The following CACNA2D1 variants were observed in gnomAD, a reference collection of about 807,000 sequenced individuals.
CACNA2D1 encodes the protein calcium voltage-gated channel auxiliary subunit alpha2delta 1, also known as voltage-dependent calcium channel subunit alpha-2/delta-1.
Under a neutral mutation model 171.5 loss-of-function variants are expected in CACNA2D1, and 53 were observed. That is an observed-to-expected ratio of 0.31 (90% CI 0.25 to 0.39). The LOEUF is 0.39. CACNA2D1 is among the 10% of genes least tolerant of loss of function. The pLI, the probability that CACNA2D1 is intolerant of heterozygous loss-of-function variation, is 1.00. For synonymous variants in CACNA2D1, 442 were observed against 443.1 expected (o/e 1.00, Z 0.03); for missense variants, 903 against 1,299.8 (o/e 0.69, Z 4.69).
At chr7:82,443,849 G>T, upstream of CACNA2D1, 2 of 371,306 alleles carry the variant, frequency 5.4e-6, no homozygotes, top group Non-Finnish European at 8.6e-6. Flanking sequence ...GGCGGGGGCG[G>T]AGGAGGGGTG....
At chr7:82,141,155 C>T (rs1277156190) in intron 4 of CACNA2D1, among the ~76,000 whole-genome samples, 1 of 151,698 alleles carries the variant, frequency 6.6e-6, no homozygotes, top group Non-Finnish European at 1.5e-5. Flanking sequence ...AAGATATGTC[C>T]AGCTATGTTA....
intron 7 of CACNA2D1, among the ~76,000 whole-genome samples, chr7:82,073,031 T>C (rs192832445): frequency 6.6e-6 from 1 of 152,278 alleles, no homozygotes; most frequent in Admixed American, 6.5e-5. Context: ...GGCTTGAACA[T>C]GATACTATTT....
At chr7:82,241,779 A>C (rs1362878513) in intron 3 of CACNA2D1, among the ~76,000 whole-genome samples, 1 of 152,146 alleles carries the variant, frequency 6.6e-6, no homozygotes, top group Non-Finnish European at 1.5e-5. Flanking sequence ...TGTTTAGTGC[A>C]AATACGACTG....
rs530251649 is a variant in CACNA2D1, at chr7:82,301,692, A to G, written c.294+33443T>C. The stretch of plus-strand genomic sequence containing the variant: ...ATAAATTTTCTTACATAAATAAGGG[A>G]TGTTTGCATTAAATTGTGTATTAAT... On this transcript the variant is annotated intron_variant, in intron 3 of 38. Transcript: ENST00000356860. Among the ~76,000 whole-genome samples, 3 of 150,538 alleles carry G rather than the reference A, an allele frequency of 2.0e-5. No individual in the cohort carries two copies. The South Asian group carries it at 6.4e-4, about 32-fold the overall frequency.
intron 12 of CACNA2D1, among the ~76,000 whole-genome samples, chr7:82,016,377 A>G (rs1390538056): frequency 2.0e-5 from 3 of 152,150 alleles, no homozygotes; most frequent in African/African-American, 4.8e-5. Flanking sequence ...CAAATTTTCA[A>G]CGGAAGCATG....
chr7:82,077,389 A>G (rs1366807051), intron 7 of CACNA2D1, among the ~76,000 whole-genome samples: 1 of 152,204 alleles, frequency 6.6e-6, no homozygotes, highest in Non-Finnish European at 1.5e-5. Flanking sequence ...GGGGCAAAGA[A>G]GAATACCATT....
chr7:82,423,275 A>G (rs1828886618), intron 1 of CACNA2D1, among the ~76,000 whole-genome samples: 1 of 152,078 alleles, frequency 6.6e-6, no homozygotes, highest in South Asian at 2.1e-4. Context: ...GGCATGCATT[A>G]ATGTTTTTAT....
At chr7:82,264,453 T>C (rs1204779803) in intron 3 of CACNA2D1, among the ~76,000 whole-genome samples, 1 of 152,220 alleles carries the variant, frequency 6.6e-6, no homozygotes, top group Admixed American at 6.5e-5. Context: ...AGCTTAAACT[T>C]CATATGCTTA....
intron 1 of CACNA2D1, among the ~76,000 whole-genome samples, chr7:82,353,860 G>C (rs1419557830): frequency 6.6e-6 from 1 of 152,010 alleles, no homozygotes; most frequent in African/African-American, 2.4e-5. Context: ...CAAAGATTCA[G>C]GAGAGAACAT....
intron 1 of CACNA2D1, 77 bp from the exon 2 acceptor site, chr7:82,349,726 G>T (rs920930384): frequency 9.1e-7 from 1 of 1,102,964 alleles, no homozygotes; most frequent in Non-Finnish European, 1.4e-6. Flanking sequence ...TTATATCCAC[G>T]CTACAGATAA....
Position 82,443,345 on chromosome 7 carries a change from T to C in CACNA2D1, c.95+20A>G, listed in dbSNP as rs762366851. 6.3e-7 allele frequency: 1 copy of C among 1,580,336 alleles called. No homozygotes were observed. The highest frequency in any genetic ancestry group is 1.7e-5 in the Admixed American group (1 of 57,670). The stretch of plus-strand genomic sequence containing the variant: ...GCGGCGCCCCTCGGCCGGCGCTCCC[T>C]GCCCGGCCCGCCGACTTACGTGACG... On this transcript the variant is annotated intron_variant, in intron 1 of 38. Transcript: ENST00000356860.
chr7:82,152,268 A>AC (rs200731825), intron 4 of CACNA2D1, among the ~76,000 whole-genome samples: 1 of 21,662 alleles, frequency 4.6e-5, no homozygotes, highest in African/African-American at 1.8e-4. Context: ...CTGCCCCCCC[A>AC]CCCCCCAAAA....
chr7:82,044,368 T>C (rs1255816416), intron 10 of CACNA2D1, among the ~76,000 whole-genome samples: 1 of 152,214 alleles, frequency 6.6e-6, no homozygotes, highest in African/African-American at 2.4e-5. Flanking sequence ...CAATATTTAT[T>C]ACTTAACATG....
At chr7:82,050,879 G>A (rs1805118294) in intron 10 of CACNA2D1, 3 of 430,906 alleles carry the variant, frequency 7.0e-6, no homozygotes, top group Non-Finnish European at 1.3e-5. Flanking sequence ...ACTGACAGAA[G>A]CCCTAGGTTA....
intron 3 of CACNA2D1, among the ~76,000 whole-genome samples, chr7:82,235,792 CA>C (rs1380974741): frequency 6.6e-6 from 1 of 152,018 alleles, no homozygotes; most frequent in East Asian, 1.9e-4. Context: ...TTTGAGATAA[CA>C]TTATGACAAG....
chr7:82,349,458 C>T (rs1649928183), intron 2 of CACNA2D1, 110 bp downstream of exon 2: 1 of 899,148 alleles, frequency 1.1e-6, no homozygotes, highest in East Asian at 2.4e-5. Flanking sequence ...ACCAGATCCA[C>T]ATGAGAAATC....
intron 2 of CACNA2D1, among the ~76,000 whole-genome samples, chr7:82,344,285 G>C (rs1298935745): frequency 2.6e-5 from 4 of 152,072 alleles, no homozygotes; most frequent in Non-Finnish European, 2.9e-5. Flanking sequence ...CATGCCCTGA[G>C]TTATGATAAT....
At chr7:82,091,287 G>A (rs1236678609) in intron 6 of CACNA2D1, among the ~76,000 whole-genome samples, 1 of 152,170 alleles carries the variant, frequency 6.6e-6, no homozygotes, top group Non-Finnish European at 1.5e-5. Context: ...GGATGGGAGA[G>A]CAGAAGGCTC....
rs1460131278 is a variant in CACNA2D1 at position 81,949,677 on chromosome 7, T to C, written c.*715A>G. 6.6e-6 allele frequency: 1 copy of C among 152,256 alleles called. No homozygotes were observed. Among genetic ancestry groups the C allele is most frequent in the African/African-American group, 2.4e-5 (1 of 41,436 alleles). 9.4% of individuals were successfully genotyped at this position (152,256 alleles called of 1,614,324 possible). On this transcript the variant is annotated 3_prime_UTR_variant, in exon 39 of 39. Transcript: ENST00000356860. ...GCTTGCTTACATTTATGAGGAAATA[T>C]GTCACATATTCTAATTTCTCCCTCA...
Sources: allele counts gnomAD v4.1 joint callset (sites outside exome capture counted in the v4.1 genomes callset), GRCh38; gene constraint gnomAD v4.1.1; transcripts MANE v1.5; gene names NCBI Gene and HGNC (gene_info 2026-07-23, HGNC 2026-07-21).